The following CRYBG1 variants were observed in gnomAD, a reference collection of about 807,000 sequenced individuals.
The protein encoded by CRYBG1 is crystallin beta-gamma domain containing 1.
CRYBG1 carries 139 observed loss-of-function variants against 189.2 expected under a neutral mutation model. That is an observed-to-expected ratio of 0.73 (90% CI 0.64 to 0.85). The LOEUF is 0.85. Among genes scored for constraint, CRYBG1 ranks in the 40% least tolerant of loss-of-function variants. The probability of loss-of-function intolerance (pLI) is 0.00; values close to 1 mark genes in which losing one functional copy is unlikely to be tolerated. For synonymous variants in CRYBG1, 1,023 were observed against 1,017.1 expected (o/e 1.01, Z -0.11); for missense variants, 2,611 against 2,675.8 (o/e 0.98, Z 0.53).
intron 21 of CRYBG1, among the ~76,000 whole-genome samples, chr6:106,565,853 T>C (rs191744495): frequency 6.6e-6 from 1 of 152,318 alleles, no homozygotes; most frequent in East Asian, 1.9e-4. Context: ...TATTCTTATT[T>C]TGATAAACTT....
At chr6:106,408,977 C>T (rs942708430) in intron 1 of CRYBG1, among the ~76,000 whole-genome samples, 3 of 152,180 alleles carry the variant, frequency 2.0e-5, no homozygotes, top group African/African-American at 4.8e-5. Flanking sequence ...CAGGGATGCC[C>T]TCTGCCACCA....
rs1484703152 is a variant in CRYBG1, at chr6:106,511,937, A to G, written c.820A>G (p.Ser274Gly). The G allele has an allele frequency of 6.6e-7, 1 of 1,524,582 alleles. No individual in the cohort carries two copies. The highest frequency in any genetic ancestry group is 8.8e-7 in the Non-Finnish European group (1 of 1,139,706). 94.4% of individuals were successfully genotyped at this position (1,524,582 alleles called of 1,614,324 possible). ...AGAGAACGCAGAGACGCCCGCCCGC[A>G]GTCCGGGGGAGGACGCTTCACCAGG... Reference protein sequence around the residue: ...RQENAETPARSPGEDASPGAG... With the variant: ...RQENAETPARGPGEDASPGAG... Residue 274 changes from serine to glycine, a missense_variant, in exon 3 of 22, where the codon AGT (serine) becomes GGT (glycine). This residue lies in a region of CRYBG1 where 985 missense variants were observed against 924.4 expected (regional missense o/e 1.07). Transcript: ENST00000633556.
chr6:106,374,825 G>A (rs901309929), intron 1 of CRYBG1, among the ~76,000 whole-genome samples: 9 of 152,044 alleles, frequency 5.9e-5, no homozygotes, highest in Admixed American at 3.9e-4. Flanking sequence ...CTAGCACTAA[G>A]TTCTTTACTG....
rs772027089 is a variant in CRYBG1 at position 106,519,773 on chromosome 6, A to G, written c.2565A>G (p.Pro855=). 6.2e-6 allele frequency: 10 copies of G among 1,614,198 alleles called. No homozygotes were observed. The highest frequency in any genetic ancestry group is 8.5e-6 in the Non-Finnish European group (10 of 1,180,034). Residue 855 remains proline, a synonymous_variant, in exon 4 of 22, where the codon CCA becomes CCG. Transcript: ENST00000633556. ...TACCTCCAACGGCCATGCCAAAGCC[A>G]CAGCATACATTTTCTGACTCACAGT... ...KDLPPTAMPK[P]QHTFSDSQSP...
chr6:106,512,689 C>A lies in CRYBG1; in HGVS notation c.1572C>A (p.Ala524=). 1 of 1,540,108 alleles carries A rather than the reference C, an allele frequency of 6.5e-7. No homozygotes were observed. Residue 524 remains alanine (A), a synonymous_variant, in exon 3 of 22, where the codon GCC becomes GCA. Coordinates refer to ENST00000633556, the MANE Select transcript of CRYBG1 (RefSeq NM_001371242.2). ...AGGGCAGGAGCCGTGCCCTCGAGGC[C>A]GTGCCCGCCCCGCCCGCCAGCGGCC... ...KRKGRSRALE[A]VPAPPASGPR...
intron 2 of CRYBG1, among the ~76,000 whole-genome samples, chr6:106,510,279 C>T (rs1773219069): frequency 6.6e-6 from 1 of 152,250 alleles, no homozygotes; most frequent in South Asian, 2.1e-4. Context: ...CCTGCTCCCC[C>T]GCTTTCCCAG....
At chr6:106,477,639 C>T (rs1282593354) in intron 2 of CRYBG1, among the ~76,000 whole-genome samples, 1 of 152,174 alleles carries the variant, frequency 6.6e-6, no homozygotes, top group Non-Finnish European at 1.5e-5. Context: ...TGAGTTACCC[C>T]TGGTGATCTG....
At chr6:106,558,039 A>C (rs772083295) in intron 17 of CRYBG1, among the ~76,000 whole-genome samples, 6 of 152,174 alleles carry the variant, frequency 3.9e-5, no homozygotes, top group Admixed American at 6.5e-5. Context: ...TTGAAAATAC[A>C]TACAAGAGGA....
At position 106,568,575 on chromosome 6, in the gene CRYBG1, GGAA is replaced by G. The variant is rs1205386673; in HGVS notation, c.*16_*18del. On this transcript the variant is annotated 3_prime_UTR_variant, in exon 22 of 22. Coordinates refer to ENST00000633556, the MANE Select transcript of CRYBG1 (RefSeq NM_001371242.2). ...TGGTCCTATATACCTGAACAAAGAA[GGAA>G]GAAGAATCTTCTGGAGGTCCTTCCA... 5.6e-6 allele frequency: 9 copies of G among 1,593,716 alleles called. No homozygotes were observed. The highest frequency in any genetic ancestry group is 1.7e-5 in the Admixed American group (1 of 59,544).
chr6:106,360,790 G>C lies in CRYBG1; in HGVS notation c.-119G>C. The C allele has an allele frequency of 8.2e-7, 1 of 1,218,068 alleles. No individual in the cohort carries two copies. Among genetic ancestry groups the C allele is most frequent in the East Asian group, 2.9e-5 (1 of 34,444 alleles). 75.5% of individuals were successfully genotyped at this position (1,218,068 alleles called of 1,614,324 possible). A position where few individuals can be genotyped will look rare whatever the true frequency, so the allele number is the denominator to read the frequency against. On this transcript the variant is annotated 5_prime_UTR_variant, in exon 1 of 22. Coordinates refer to ENST00000633556, the MANE Select transcript of CRYBG1 (RefSeq NM_001371242.2). Reference sequence around the variant, plus strand: ...CCCCCCGCATCCGCGACGAGGGGGCGGGGTCCCACGGCGCGCTGAGAAAGG... The same window carrying C: ...CCCCCCGCATCCGCGACGAGGGGGCCGGGTCCCACGGCGCGCTGAGAAAGG...
chr6:106,518,317 T>A (rs28569364), intron 3 of CRYBG1, among the ~76,000 whole-genome samples: 1 of 152,226 alleles, frequency 6.6e-6, no homozygotes, highest in African/African-American at 2.4e-5. Flanking sequence ...GGGGGAAGGA[T>A]GAGATGAATA....
intron 2 of CRYBG1, among the ~76,000 whole-genome samples, chr6:106,475,315 G>A (rs143874088): frequency 7.9e-5 from 12 of 152,256 alleles, no homozygotes; most frequent in South Asian, 2.1e-4. Context: ...TGTATAAACC[G>A]AATGGGAGGG....
In CRYBG1 at chr6:106,512,163, AGGGCGC is replaced by A. The variant is rs750663680; in HGVS notation, c.1047_1052del (p.Gly350_Ala351del). ...GATTTGCCAGGTGAGCCTCCGGCCG[AGGGCGC>A]AGCGCACACGGCCAGCTCCGCGCAG... On this transcript the variant is annotated inframe_deletion, in exon 3 of 22. Transcript: ENST00000633556. The A allele has an allele frequency of 2.6e-6, 4 of 1,534,536 alleles. No individual in the cohort carries two copies. In the South Asian group the frequency reaches 4.8e-5, roughly 18 times the overall value.
intron 2 of CRYBG1, among the ~76,000 whole-genome samples, chr6:106,465,795 C>G (rs1303684857): frequency 6.6e-6 from 1 of 152,026 alleles, no homozygotes; most frequent in Non-Finnish European, 1.5e-5. Flanking sequence ...AAATACAGGT[C>G]TTTTTTTGCT....
In CRYBG1 at chr6:106,565,457, C is replaced by G. The variant is rs192506226; in HGVS notation, c.6301+1531C>G. 5.3e-3 allele frequency among the ~76,000 whole-genome samples: 812 copies of G among 152,308 alleles called. 6 individuals are homozygous for G. The highest frequency in any genetic ancestry group is 0.037 in the Middle Eastern group (11 of 294). Reference sequence around the variant, plus strand: ...CTGTATGGGGAGCAAAAGTGGCTGTCACTTCTGAATGATCTCCAGGTAGGT... The same window carrying G: ...CTGTATGGGGAGCAAAAGTGGCTGTGACTTCTGAATGATCTCCAGGTAGGT... On this transcript the variant is annotated intron_variant, in intron 21 of 21. Transcript: ENST00000633556.
At position 106,519,713 on chromosome 6, in the gene CRYBG1, A is replaced by C; in HGVS notation, c.2505A>C (p.Ala835=). 6.2e-7 allele frequency: 1 copy of C among 1,614,196 alleles called. No homozygotes were observed. The highest frequency in any genetic ancestry group is 1.6e-4 in the Middle Eastern group (1 of 6,062). ...SLVLENVTDT[A]QDIPTTVDTK... is the part of the protein sequence containing the mutation. ...TACTTGAAAATGTAACCGATACAGCACAAGACATCCCCACCACTGTGGATA... is the reference window on the plus strand; with the variant it reads ...TACTTGAAAATGTAACCGATACAGCCCAAGACATCCCCACCACTGTGGATA... Residue 835 remains alanine (A), a synonymous_variant, in exon 4 of 22, where the codon GCA becomes GCC. Coordinates refer to ENST00000633556, the MANE Select transcript of CRYBG1 (RefSeq NM_001371242.2).
At chr6:106,513,934 G>A (rs72939443) in intron 3 of CRYBG1, among the ~76,000 whole-genome samples, 5,032 of 152,280 alleles carry the variant, frequency 0.033, 113 homozygotes, top group Non-Finnish European at 0.05. Flanking sequence ...GCTAGTCACT[G>A]TGGGGGAAAA....
At chr6:106,406,780 C>G (rs547866551) in intron 1 of CRYBG1, among the ~76,000 whole-genome samples, 1 of 152,252 alleles carries the variant, frequency 6.6e-6, no homozygotes, top group South Asian at 2.1e-4. Flanking sequence ...TCATATCCAG[C>G]CAAACTAAGC....
At chr6:106,365,699 A>G (rs1462757390) in intron 1 of CRYBG1, among the ~76,000 whole-genome samples, 1 of 120,300 alleles carries the variant, frequency 8.3e-6, no homozygotes, top group Non-Finnish European at 2.0e-5. Flanking sequence ...TAAAAAAAGC[A>G]GTGAATTAAA....
Sources: gnomAD v4.1 joint callset for allele counts (sites outside exome capture counted in the v4.1 genomes callset) on GRCh38, gnomAD v4.1.1 for gene constraint, gnomAD v4.1.1 regional missense constraint, MANE v1.5 for transcripts, NCBI Gene and HGNC (gene_info 2026-07-23, HGNC 2026-07-21) for gene names.